ATAT1: variants seen among roughly 807,000 people sequenced by gnomAD.
ATAT1 encodes the protein alpha tubulin acetyltransferase 1.
In ATAT1, 42 loss-of-function variants were observed where a neutral mutation model predicts 57.2. The observed-to-expected ratio is 0.73, with a 90% CI of 0.57 to 0.95. The LOEUF (loss-of-function observed/expected upper bound fraction) is 0.95, where lower values mean the gene tolerates loss of function less well. Among genes scored for constraint, ATAT1 ranks in the 40% least tolerant of loss-of-function variants. ATAT1 has a pLI of 0.00. For synonymous variants in ATAT1, 168 were observed against 187.1 expected (o/e 0.90, Z 0.83); for missense variants, 454 against 523.7 (o/e 0.87, Z 1.30).
chr6:30,631,650 G>A (rs930801732), intron 6 of ATAT1, among the ~76,000 whole-genome samples: 1 of 151,778 alleles, frequency 6.6e-6, no homozygotes, highest in Non-Finnish European at 1.5e-5. Context: ...GTAGTGGCAC[G>A]CACCTGTGGT....
At chr6:30,633,130 A>G (rs1763275994) in intron 6 of ATAT1, among the ~76,000 whole-genome samples, 1 of 152,198 alleles carries the variant, frequency 6.6e-6, no homozygotes, top group Non-Finnish European at 1.5e-5. Context: ...GACAGATTGT[A>G]TGTGGAGAAA....
Position 30,626,917 on chromosome 6 carries a change from TC to T in ATAT1, c.-284del, listed in dbSNP as rs1761775831. 1 of 1,609,306 alleles carries T rather than the reference TC, an allele frequency of 6.2e-7. No homozygotes were observed. The highest frequency in any genetic ancestry group is 8.5e-7 in the Non-Finnish European group (1 of 1,178,716). ...TTCCCGTTCGATGTGGACGCGCTGT[TC>T]CCGGAGCGGATCACGGTGCTGGACC... On this transcript the variant is annotated 5_prime_UTR_variant, in exon 1 of 13. Transcript: ENST00000330083.
chr6:30,641,467 T>C (rs751001519), intron 8 of ATAT1, among the ~76,000 whole-genome samples: 2 of 152,084 alleles, frequency 1.3e-5, no homozygotes, highest in Non-Finnish European at 2.9e-5. Flanking sequence ...GTGCTGTGGA[T>C]AAAGCTTAAG....
Position 30,626,966 on chromosome 6 carries a change from C to A in ATAT1, c.-238C>A. On this transcript the variant is annotated 5_prime_UTR_variant, in exon 1 of 13. Coordinates refer to ENST00000330083, the MANE Select transcript of ATAT1 (RefSeq NM_001031722.4). Reference sequence around the variant, plus strand: ...ACCAGCACCTGAGGCCCCCAGCCCGCCGACCCGGAACCACAACGCCGGCCC... The same window carrying A: ...ACCAGCACCTGAGGCCCCCAGCCCGACGACCCGGAACCACAACGCCGGCCC... 1 of 1,604,394 alleles carries A rather than the reference C, an allele frequency of 6.2e-7. No homozygotes were observed. Among genetic ancestry groups the A allele is most frequent in the Non-Finnish European group, 8.5e-7 (1 of 1,175,924 alleles).
chr6:30,627,772 C>T (rs1435707809), intron 3 of ATAT1, 45 bp downstream of exon 3: 1 of 1,605,164 alleles, frequency 6.2e-7, no homozygotes, highest in African/African-American at 1.3e-5. Flanking sequence ...TTCCTTCCTT[C>T]CTCAGCCCTT....
chr6:30,640,687 G>T (rs1765231969), intron 8 of ATAT1, 84 bp downstream of exon 8: 55 of 1,520,980 alleles, frequency 3.6e-5, no homozygotes, highest in Non-Finnish European at 4.9e-5. Context: ...GCCATCTGTG[G>T]GCAATTTTGG....
Position 30,646,057 on chromosome 6 carries a change from AT to A in ATAT1, c.1013-7del. 1 of 1,611,008 alleles carries A rather than the reference AT, an allele frequency of 6.2e-7. No individual in the cohort carries two copies. The highest frequency in any genetic ancestry group is 8.5e-7 in the Non-Finnish European group (1 of 1,178,526). On this transcript the variant is annotated splice_polypyrimidine_tract_variant and intron_variant, in intron 11 of 12. Transcript: ENST00000330083. Reference sequence around the variant, plus strand: ...CTGCCTTCCCATTCACATGCCTGATATTTCCACAGGCAACCAAGACTCCAAG... The same window carrying A: ...CTGCCTTCCCATTCACATGCCTGATATTCCACAGGCAACCAAGACTCCAAG...
At chr6:30,635,413 A>T (rs1238113516) in intron 6 of ATAT1, among the ~76,000 whole-genome samples, 2 of 151,958 alleles carry the variant, frequency 1.3e-5, no homozygotes, top group Non-Finnish European at 2.9e-5. Context: ...AACATGGTGA[A>T]ACCCCATCTC....
intron 6 of ATAT1, among the ~76,000 whole-genome samples, chr6:30,630,053 C>T (rs1380134626): frequency 6.6e-6 from 1 of 152,176 alleles, no homozygotes; most frequent in African/African-American, 2.4e-5. Flanking sequence ...ACCCATTCAT[C>T]CAATAAACAT....
intron 10 of ATAT1, chr6:30,643,809 AG>A (rs1356469204): frequency 1.5e-6 from 2 of 1,335,958 alleles, no homozygotes; most frequent in Non-Finnish European, 1.9e-6. Flanking sequence ...CTTTCCCAAC[AG>A]GAAGTCTGAT....
chr6:30,642,833 G>GCT lies in ATAT1; in HGVS notation c.755_756insTC (p.His253ProfsTer67). Reference sequence around the variant, plus strand: ...GGCCCCTCGCCGCGCCACACCTCCAGCCCACCCACCCCCCCGCTCCAGCAG... The same window carrying GCT: ...GGCCCCTCGCCGCGCCACACCTCCAGCTCCCACCCACCCCCCCGCTCCAGCAG... On this transcript the variant is annotated frameshift_variant, in exon 10 of 13. Transcript: ENST00000330083. LOFTEE classifies it high-confidence loss of function. 5.2e-6 allele frequency: 8 copies of GCT among 1,537,878 alleles called. No individual in the cohort carries two copies. Among genetic ancestry groups the GCT allele is most frequent in the South Asian group, 3.5e-5 (3 of 86,358 alleles).
At position 30,642,837 on chromosome 6, in the gene ATAT1, A is replaced by ACCC; in HGVS notation, c.759_761dup (p.Pro256dup). The ACCC allele has an allele frequency of 6.2e-6, 2 of 320,318 alleles. No individual in the cohort carries two copies. The highest frequency in any genetic ancestry group is 5.2e-6 in the Non-Finnish European group (1 of 191,734). The allele number at this position is 320,318 out of a possible 1,614,324, so 19.8% of individuals were successfully genotyped here. A position where few individuals can be genotyped will look rare whatever the true frequency, so the allele number is the denominator to read the frequency against. On this transcript the variant is annotated inframe_insertion, in exon 10 of 13. Transcript: ENST00000330083. Reference sequence around the variant, plus strand: ...CCTCGCCGCGCCACACCTCCAGCCCACCCACCCCCCCGCTCCAGCAGCCTG... The same window carrying ACCC: ...CCTCGCCGCGCCACACCTCCAGCCCACCCCCCACCCCCCCGCTCCAGCAGCCTG...
At position 30,627,045 on chromosome 6, in the gene ATAT1, C is replaced by T. The variant is rs887053607; in HGVS notation, c.-159C>T. ...CTTTTCTCCCGGTTCCTCTCCAAAC[C>T]TGGTCCAGGCACCACGCCCCCTTCT... On this transcript the variant is annotated 5_prime_UTR_variant, in exon 1 of 13. Transcript: ENST00000330083. The T allele has an allele frequency of 1.3e-6, 2 of 1,550,280 alleles. No homozygotes were observed. The highest frequency in any genetic ancestry group is 2.7e-5 in the African/African-American group (2 of 73,332).
At chr6:30,646,224 C>T (rs1766705391) in intron 12 of ATAT1, 115 bp downstream of exon 12, 1 of 1,491,384 alleles carries the variant, frequency 6.7e-7, no homozygotes. Context: ...GACACCAGCT[C>T]CTCCCACAAT....
rs1327638221 is a variant in ATAT1, at chr6:30,644,572, TAC to T, written c.933-1322_933-1321del. On this transcript the variant is annotated intron_variant, in intron 10 of 12. Coordinates refer to ENST00000330083, the MANE Select transcript of ATAT1 (RefSeq NM_001031722.4). ...GGGAGCCGGATCTCCCCATCTCCCC[TAC>T]TCACTCTTCCCTTTTCTTCTCTCAG... is the stretch of plus-strand genomic sequence containing the variant. 76 of 985,356 alleles carry T rather than the reference TAC, an allele frequency of 7.7e-5. No individual in the cohort carries two copies. The African/African-American group carries it at 1.2e-3, about 16-fold the overall frequency. The allele number at this position is 985,356 out of a possible 1,614,324, so 61.0% of individuals were successfully genotyped here.
chr6:30,642,642 CAAAAAAGAAAAAAAA>C, intron 9 of ATAT1, 111 bp from the exon 10 acceptor site: 2 of 708,876 alleles, frequency 2.8e-6, no homozygotes, highest in Non-Finnish European at 4.6e-6. Flanking sequence ...GACTCCGTCT[CAAAAAAGAAAAAAAA>C]AAAAAAGAAA....
At chr6:30,639,400 T>C (rs148399957) in intron 6 of ATAT1, among the ~76,000 whole-genome samples, 35 of 152,312 alleles carry the variant, frequency 2.3e-4, no homozygotes, top group African/African-American at 7.9e-4. Context: ...TTTCATATAT[T>C]CTAGATAGAA....
intron 10 of ATAT1, among the ~76,000 whole-genome samples, chr6:30,645,221 T>C (rs939986256): frequency 8.2e-5 from 11 of 134,626 alleles, no homozygotes; most frequent in African/African-American, 3.1e-4. Flanking sequence ...TAAGGAATCT[T>C]TTTTTTTTTT....
intron 6 of ATAT1, among the ~76,000 whole-genome samples, chr6:30,638,991 T>C (rs981564489): frequency 2.0e-5 from 3 of 152,150 alleles, no homozygotes; most frequent in African/African-American, 7.2e-5. Context: ...TTTATTTATT[T>C]ATCCTTTGAG....
Sources: gnomAD v4.1 joint callset for allele counts (sites outside exome capture counted in the v4.1 genomes callset) on GRCh38, gnomAD v4.1.1 for gene constraint, MANE v1.5 for transcripts, NCBI Gene and HGNC (gene_info 2026-07-23, HGNC 2026-07-21) for gene names.